GABRA1: variants seen among roughly 807,000 people sequenced by gnomAD.
GABRA1 encodes gamma-aminobutyric acid receptor subunit alpha-1.
GABRA1 carries 9 observed loss-of-function variants against 48.9 expected under a neutral mutation model. That is an observed-to-expected ratio of 0.18 (90% CI 0.11 to 0.32). The LOEUF (loss-of-function observed/expected upper bound fraction) is 0.32. Among genes scored for constraint, GABRA1 ranks in the 10% least tolerant of loss-of-function variants. GABRA1 has a pLI of 1.00. For synonymous variants in GABRA1, 210 were observed against 198.7 expected, an observed-to-expected ratio of 1.06 and a Z score of -0.48; for missense variants, 285 against 553.8, an observed-to-expected ratio of 0.51 and a Z score of 4.87.
rs960393656 is a variant in GABRA1, at chr5:161,848,416, G to A, written c.-22G>A. The A allele has an allele frequency of 6.6e-6, 1 of 151,976 alleles. No homozygotes were observed. The highest frequency in any genetic ancestry group is 1.5e-5 in the Non-Finnish European group (1 of 68,706). 9.4% of individuals were successfully genotyped at this position (151,976 alleles called of 1,614,324 possible). A position where few individuals can be genotyped will look rare whatever the true frequency, so the allele number is the denominator to read the frequency against. On this transcript the variant is annotated 5_prime_UTR_variant, in exon 1 of 10. Transcript: ENST00000393943. ...TTAAGAGATCCTGTGTCCAGAGGGG[G>A]CCTTAGGTAAGTGCGACTTTGGACC...
chr5:161,863,333 T>C (rs1490309586), intron 3 of GABRA1, among the ~76,000 whole-genome samples: 3 of 151,964 alleles, frequency 2.0e-5, no homozygotes, highest in Non-Finnish European at 2.9e-5. Context: ...ATTGGCTCAG[T>C]ATTCTGCAGG....
chr5:161,870,655 G>A (rs12519575), intron 4 of GABRA1, among the ~76,000 whole-genome samples: 49 of 151,676 alleles, frequency 3.2e-4, no homozygotes, highest in Admixed American at 3.1e-3. Flanking sequence ...GAAAGAAAAA[G>A]AAAGAAAAAA....
At chr5:161,870,941 T>A (rs895773239) in intron 4 of GABRA1, among the ~76,000 whole-genome samples, 5 of 145,820 alleles carry the variant, frequency 3.4e-5, no homozygotes, top group African/African-American at 1.0e-4. Context: ...CCAGCGAGTG[T>A]TGCTCTGTGT....
At chr5:161,873,714 C>CA (rs1754224257) in intron 5 of GABRA1, among the ~76,000 whole-genome samples, 1 of 151,724 alleles carries the variant, frequency 6.6e-6, no homozygotes, top group Non-Finnish European at 1.5e-5. Flanking sequence ...TAATAAAAAA[C>CA]AAAAAATATG....
Position 161,897,664 on chromosome 5 carries a change from C to T in GABRA1, c.*242C>T, listed in dbSNP as rs1755432560. 4.2e-6 allele frequency: 2 copies of T among 474,034 alleles called. No homozygotes were observed. The highest frequency in any genetic ancestry group is 2.0e-5 in the African/African-American group (1 of 49,958). The allele number at this position is 474,034 out of a possible 1,614,324, so 29.4% of individuals were successfully genotyped here. A position where few individuals can be genotyped will look rare whatever the true frequency, so the allele number is the denominator to read the frequency against. Reference sequence around the variant, plus strand: ...AGAGCAAAGTCATGTCAGAAGGAGACAGAATGAGAGAGAAAAGAGGGGGAA... The same window carrying T: ...AGAGCAAAGTCATGTCAGAAGGAGATAGAATGAGAGAGAAAAGAGGGGGAA... On this transcript the variant is annotated 3_prime_UTR_variant, in exon 10 of 10. Transcript: ENST00000393943.
At position 161,882,664 on chromosome 5, in the gene GABRA1, A is replaced by G. The variant is rs756594849; in HGVS notation, c.666A>G (p.Gly222=). ...GTCTAAACCAGTATGACCTTCTTGG[A>G]CAAACAGTAGACTCTGGAATTGTCC... The part of the protein sequence containing the change: ...GSRLNQYDLL[G]QTVDSGIVQS... The change falls in exon 7 of 10, where the codon GGA becomes GGG. Residue 222 remains glycine, a synonymous_variant. Coordinates refer to ENST00000393943, the MANE Select transcript of GABRA1 (RefSeq NM_001127644.2). 2 of 1,613,698 alleles carry G rather than the reference A, an allele frequency of 1.2e-6. No homozygotes were observed. Among genetic ancestry groups the G allele is most frequent in the South Asian group, 1.1e-5 (1 of 91,088 alleles).
chr5:161,860,989 G>A (rs189784923), intron 3 of GABRA1, among the ~76,000 whole-genome samples: 6 of 151,808 alleles, frequency 4.0e-5, no homozygotes, highest in African/African-American at 1.2e-4. Flanking sequence ...GGCAGAATCA[G>A]AATTCTGTAC....
chr5:161,888,409 G>T (rs1014840138), intron 7 of GABRA1, among the ~76,000 whole-genome samples: 10 of 152,120 alleles, frequency 6.6e-5, no homozygotes, highest in Middle Eastern at 3.4e-3. Flanking sequence ...TCTTCTGTTA[G>T]GGAAAATCTG....
chr5:161,896,064 A>C (rs1755354076), intron 9 of GABRA1, among the ~76,000 whole-genome samples, 196 bp downstream of exon 9: 1 of 152,192 alleles, frequency 6.6e-6, no homozygotes, highest in Non-Finnish European at 1.5e-5. Flanking sequence ...GAATAGATGT[A>C]CAAAGTGGAG....
chr5:161,850,742 A>G, intron 1 of GABRA1, 54 bp from the exon 2 acceptor site: 3 of 1,467,006 alleles, frequency 2.0e-6, no homozygotes, highest in Non-Finnish European at 2.9e-6. Context: ...CCTGGTGGTT[A>G]TAACCTGATG....
At chr5:161,859,889 GTTTAC>G (rs980612162) in intron 3 of GABRA1, among the ~76,000 whole-genome samples, 2 of 151,638 alleles carry the variant, frequency 1.3e-5, no homozygotes, top group African/African-American at 4.8e-5. Context: ...TTTTTGCTGT[GTTTAC>G]TTTACTAGAG....
chr5:161,891,593 G>T (rs575795664), intron 8 of GABRA1, among the ~76,000 whole-genome samples: 1 of 152,176 alleles, frequency 6.6e-6, no homozygotes, highest in South Asian at 2.1e-4. Context: ...TGACCTACAT[G>T]CTTCAAGTTA....
At chr5:161,860,195 T>A (rs1465154122) in intron 3 of GABRA1, among the ~76,000 whole-genome samples, 1 of 151,840 alleles carries the variant, frequency 6.6e-6, no homozygotes, top group Non-Finnish European at 1.5e-5. Flanking sequence ...CATTGTCTGA[T>A]GAATTTAACT....
In GABRA1 at chr5:161,882,717, T is replaced by C; in HGVS notation, c.703+16T>C. On this transcript the variant is annotated intron_variant, in intron 7 of 9. Coordinates refer to ENST00000393943, the MANE Select transcript of GABRA1 (RefSeq NM_001127644.2). ...TCAAGTACAGGTAAGTACGATTTTGTTACTTCAGTTATGGAGGAAGAAGAA... is the reference window on the plus strand; with the variant it reads ...TCAAGTACAGGTAAGTACGATTTTGCTACTTCAGTTATGGAGGAAGAAGAA... 6.2e-7 allele frequency: 1 copy of C among 1,609,144 alleles called. No homozygotes were observed. The highest frequency in any genetic ancestry group is 8.5e-7 in the Non-Finnish European group (1 of 1,175,728).
intron 7 of GABRA1, 48 bp from the exon 8 acceptor site, chr5:161,890,850 T>A (rs1755057697): frequency 6.3e-7 from 1 of 1,581,002 alleles, no homozygotes; most frequent in Non-Finnish European, 8.7e-7. Context: ...GAGATTACCT[T>A]TTTCTAAAGT....
intron 5 of GABRA1, among the ~76,000 whole-genome samples, chr5:161,874,521 G>A (rs1235432599): frequency 1.3e-5 from 2 of 152,114 alleles, no homozygotes; most frequent in Non-Finnish European, 2.9e-5. Context: ...GCAATTTTCT[G>A]AGGAGAGACT....
chr5:161,871,553 C>T (rs1215882972), intron 4 of GABRA1, among the ~76,000 whole-genome samples: 1 of 152,228 alleles, frequency 6.6e-6, no homozygotes, highest in Non-Finnish European at 1.5e-5. Flanking sequence ...ATATCATCCA[C>T]AGTCTCCCTT....
intron 4 of GABRA1, 171 bp from the exon 5 acceptor site, chr5:161,872,946 G>A: frequency 1.6e-6 from 1 of 634,418 alleles, no homozygotes; most frequent in East Asian, 2.7e-5. Context: ...ACACCAACCA[G>A]TGATTCTCCT....
intron 9 of GABRA1, 96 bp from the exon 10 acceptor site, chr5:161,897,015 A>G: frequency 1.9e-6 from 2 of 1,077,604 alleles, no homozygotes; most frequent in Non-Finnish European, 2.9e-6. Context: ...TAAGGCACAG[A>G]TTTAGGCTGC....
Sources: allele counts gnomAD v4.1 joint callset (sites outside exome capture counted in the v4.1 genomes callset), GRCh38; gene constraint gnomAD v4.1.1; transcripts MANE v1.5; gene names NCBI Gene and HGNC (gene_info 2026-07-23, HGNC 2026-07-21).